CDC45: variants seen among roughly 807,000 people sequenced by gnomAD.
CDC45 encodes the protein cell division control protein 45 homolog.
In CDC45, 54 loss-of-function variants were observed where a neutral mutation model predicts 77.8. The ratio of observed to expected loss-of-function variants is 0.69; its 90% CI spans 0.56 to 0.87. The LOEUF (loss-of-function observed/expected upper bound fraction) is 0.87, where lower values mean the gene tolerates loss of function less well. Among genes scored for constraint, CDC45 ranks in the 40% least tolerant of loss-of-function variants. The pLI is 0.00. For missense variants in CDC45, 649 were observed against 721.6 expected (o/e 0.90, Z 1.15); for synonymous variants, 260 against 272.1 (o/e 0.96, Z 0.44).
At chr22:19,507,992 A>T in intron 12 of CDC45, 128 bp downstream of exon 12, 3 of 643,596 alleles carry the variant, frequency 4.7e-6, no homozygotes, top group Non-Finnish European at 8.2e-6. Context: ...ATGCAAAAAA[A>T]ACAACAACCC....
chr22:19,515,538 A>G (rs1203514601), intron 15 of CDC45, among the ~76,000 whole-genome samples: 1 of 152,198 alleles, frequency 6.6e-6, no homozygotes, highest in Non-Finnish European at 1.5e-5. Context: ...TGACATGTCA[A>G]TAATTGAAGT....
chr22:19,499,005 T>G, intron 8 of CDC45, 96 bp from the exon 9 acceptor site: 20 of 1,339,922 alleles, frequency 1.5e-5, no homozygotes, highest in Non-Finnish European at 1.9e-5. Context: ...CCCAGAGTGC[T>G]GAGCTTGGGC....
chr22:19,516,570 C>T lies in CDC45; in HGVS notation c.1484C>T (p.Ala495Val). 1 of 1,613,920 alleles carries T rather than the reference C, an allele frequency of 6.2e-7. No individual in the cohort carries two copies. The highest frequency in any genetic ancestry group is 8.5e-7 in the Non-Finnish European group (1 of 1,179,906). ...RCKLLPLVMA[A>V]PLSMEHGTVT... ...AAACTGCTGCCCCTGGTGATGGCTG[C>T]CCCCCTGAGCATGGAGCATGGCACA... Residue 495 changes from alanine (A) to valine (V), a missense_variant, in exon 16 of 19, where the codon GCC (alanine) becomes GTC (valine). Physicochemically the swap from Ala to Val is moderately conservative, Grantham distance 64. Coordinates refer to ENST00000263201, the MANE Select transcript of CDC45 (RefSeq NM_003504.5).
At position 19,483,850 on chromosome 22, in the gene CDC45, T is replaced by G. The variant is rs1275401329; in HGVS notation, c.343-12T>G. 1.9e-6 allele frequency: 3 copies of G among 1,610,830 alleles called. No individual in the cohort carries two copies. The East Asian group carries it at 6.7e-5, about 36-fold the overall frequency. ...AGAGGAGAGGCTTAATTCCTTTTTG[T>G]TTTGAACTTAGATCAAATTACTCAT... On this transcript the variant is annotated splice_polypyrimidine_tract_variant and intron_variant, in intron 4 of 18. Transcript: ENST00000263201.
chr22:19,503,380 T>C (rs1025973256), intron 9 of CDC45, among the ~76,000 whole-genome samples: 2 of 152,106 alleles, frequency 1.3e-5, no homozygotes, highest in Non-Finnish European at 2.9e-5. Context: ...ATGCAGACAC[T>C]GATCATTCCA....
chr22:19,480,255 G>C, intron 2 of CDC45, 38 bp downstream of exon 2: 1 of 1,591,420 alleles, frequency 6.3e-7, no homozygotes, highest in African/African-American at 1.3e-5. Context: ...GGGCCGGCGC[G>C]CGAGGTGAGG....
chr22:19,517,585 G>A (rs1267925274), intron 17 of CDC45, among the ~76,000 whole-genome samples: 2 of 152,210 alleles, frequency 1.3e-5, no homozygotes, highest in Non-Finnish European at 2.9e-5. Flanking sequence ...TCAACCACGT[G>A]TCTCCTCCCA....
intron 13 of CDC45, among the ~76,000 whole-genome samples, chr22:19,509,166 A>G (rs1933379814): frequency 6.6e-6 from 1 of 152,216 alleles, no homozygotes; most frequent in Non-Finnish European, 1.5e-5. Flanking sequence ...GACTAAAGAC[A>G]TCAGAGAAAA....
intron 6 of CDC45, chr22:19,494,746 C>A: frequency 1.4e-6 from 1 of 711,990 alleles, no homozygotes. Flanking sequence ...TTGAAGTGAG[C>A]ATGCAGCAGC....
At chr22:19,500,115 T>G (rs535025653) in intron 9 of CDC45, among the ~76,000 whole-genome samples, 6 of 152,298 alleles carry the variant, frequency 3.9e-5, no homozygotes, top group Admixed American at 2.6e-4. Context: ...TAGCATGGAA[T>G]TTGTGCACAG....
intron 6 of CDC45, among the ~76,000 whole-genome samples, 200 bp from the exon 7 acceptor site, chr22:19,495,781 C>T (rs1388114995): frequency 6.6e-6 from 1 of 152,130 alleles, no homozygotes; most frequent in East Asian, 1.9e-4. Flanking sequence ...GTGATCACAC[C>T]ACTGCACTTC....
intron 7 of CDC45, among the ~76,000 whole-genome samples, chr22:19,496,826 T>C (rs1254319389): frequency 6.6e-6 from 1 of 152,204 alleles, no homozygotes; most frequent in African/African-American, 2.4e-5. Flanking sequence ...AGAGACCCTC[T>C]GCTTATGGGA....
At chr22:19,483,205 G>C (rs966195278) in intron 4 of CDC45, among the ~76,000 whole-genome samples, 1 of 152,222 alleles carries the variant, frequency 6.6e-6, no homozygotes, top group African/African-American at 2.4e-5. Context: ...GGCCGAGGCA[G>C]GCGGATTACG....
chr22:19,503,557 C>A (rs1268641980), intron 9 of CDC45, among the ~76,000 whole-genome samples: 1 of 152,210 alleles, frequency 6.6e-6, no homozygotes, highest in African/African-American at 2.4e-5. Flanking sequence ...GCCTGCTGAG[C>A]TGCTGCTAGC....
At chr22:19,486,123 G>A (rs1464387501) in intron 5 of CDC45, among the ~76,000 whole-genome samples, 1 of 152,142 alleles carries the variant, frequency 6.6e-6, no homozygotes, top group Non-Finnish European at 1.5e-5. Flanking sequence ...CTGGGTTCAA[G>A]CGATTCGCCT....
At chr22:19,508,971 ATTAT>A (rs1302476591) in intron 13 of CDC45, among the ~76,000 whole-genome samples, 1 of 151,960 alleles carries the variant, frequency 6.6e-6, no homozygotes, top group Non-Finnish European at 1.5e-5. Context: ...AACAAAAGGC[ATTAT>A]TTGTTATGTA....
intron 9 of CDC45, among the ~76,000 whole-genome samples, chr22:19,500,830 A>G (rs1379945750): frequency 1.3e-5 from 2 of 152,150 alleles, no homozygotes; most frequent in African/African-American, 4.8e-5. Flanking sequence ...CTGCTGTCTC[A>G]GTGTAACAGG....
At chr22:19,511,371 C>T (rs946082892) in intron 13 of CDC45, among the ~76,000 whole-genome samples, 50 of 135,762 alleles carry the variant, frequency 3.7e-4, no homozygotes, top group Non-Finnish European at 6.0e-5. Flanking sequence ...CACTCTGTTG[C>T]TCAAGCTGGA....
chr22:19,514,718 C>T (rs745523174), intron 13 of CDC45, 31 bp from the exon 14 acceptor site: 9 of 1,555,442 alleles, frequency 5.8e-6, no homozygotes, highest in Non-Finnish European at 7.8e-6. Context: ...CTGACAAGCA[C>T]CACCAAAGCC....
Sources: allele counts gnomAD v4.1 joint callset (sites outside exome capture counted in the v4.1 genomes callset), GRCh38; gene constraint gnomAD v4.1.1; transcripts MANE v1.5; gene names NCBI Gene and HGNC (gene_info 2026-07-23, HGNC 2026-07-21).